The following FOXN3 variants were observed in gnomAD, a reference collection of about 807,000 sequenced individuals.
The protein encoded by FOXN3 is forkhead box protein N3.
In FOXN3, 7 loss-of-function variants were observed where a neutral mutation model predicts 38.4. That is an observed-to-expected ratio of 0.18 (90% confidence interval 0.10 to 0.34). The LOEUF is 0.34. Ranked by LOEUF, FOXN3 falls within the 10% of genes least tolerant of loss-of-function variation. The probability of loss-of-function intolerance (pLI) is 1.00; values close to 1 mark genes in which losing one functional copy is unlikely to be tolerated. For missense variants in FOXN3, 456 were observed against 613.4 expected (o/e 0.74, Z 2.71); for synonymous variants, 230 against 242.2 (o/e 0.95, Z 0.47).
Position 89,158,002 on chromosome 14 carries a change from A to G in FOXN3, c.*4412T>C, listed in dbSNP as rs1455610516. The stretch of plus-strand genomic sequence containing the variant: ...TGCAACATCTGGGCAGCTGTGATCC[A>G]CCAGAAAGAAACGAGTCCCAACCTG... On this transcript the variant is annotated 3_prime_UTR_variant, in exon 6 of 6. Transcript: ENST00000557258. The G allele has an allele frequency of 6.6e-6, 1 of 152,616 alleles. No individual in the cohort carries two copies. Among genetic ancestry groups the G allele is most frequent in the Non-Finnish European group, 1.5e-5 (1 of 68,034 alleles). The allele number at this position is 152,616 out of a possible 1,614,324, so 9.5% of individuals were successfully genotyped here.
intron 4 of FOXN3, among the ~76,000 whole-genome samples, chr14:89,198,865 T>A (rs975894391): frequency 6.6e-6 from 1 of 152,230 alleles, no homozygotes; most frequent in Non-Finnish European, 1.5e-5. Context: ...CTATCTCCAA[T>A]AGAACACATC....
chr14:89,527,426 A>G (rs984654468), intron 1 of FOXN3, among the ~76,000 whole-genome samples: 2 of 152,242 alleles, frequency 1.3e-5, no homozygotes, highest in African/African-American at 4.8e-5. Context: ...GACATTTAAG[A>G]GAATGAAAAG....
chr14:89,449,877 A>C (rs1047965523), intron 1 of FOXN3, among the ~76,000 whole-genome samples: 1 of 152,172 alleles, frequency 6.6e-6, no homozygotes, highest in African/African-American at 2.4e-5. Flanking sequence ...CTTTTAAAGA[A>C]ACCCAGTTGG....
chr14:89,306,558 G>A (rs922610326), intron 3 of FOXN3, among the ~76,000 whole-genome samples: 5 of 152,052 alleles, frequency 3.3e-5, no homozygotes, highest in South Asian at 2.1e-4. Context: ...TAGTAGAGAC[G>A]GGGTTTCACT....
chr14:89,214,373 G>A (rs994429526), intron 4 of FOXN3, among the ~76,000 whole-genome samples: 1 of 152,210 alleles, frequency 6.6e-6, no homozygotes, highest in Non-Finnish European at 1.5e-5. Context: ...CCCTTGGCTG[G>A]ACAGAAAGGG....
chr14:89,392,997 G>A (rs990233415), intron 2 of FOXN3, among the ~76,000 whole-genome samples: 2 of 152,080 alleles, frequency 1.3e-5, no homozygotes, highest in African/African-American at 2.4e-5. Context: ...AGTAGAAATG[G>A]GGTTTCACCA....
At chr14:89,243,018 CT>C (rs1885185876) in intron 4 of FOXN3, among the ~76,000 whole-genome samples, 1 of 152,158 alleles carries the variant, frequency 6.6e-6, no homozygotes, top group Non-Finnish European at 1.5e-5. Context: ...GTCCTGCCCC[CT>C]GATGGGAGAC....
At chr14:89,393,094 C>T (rs1036098752) in intron 2 of FOXN3, among the ~76,000 whole-genome samples, 6 of 152,012 alleles carry the variant, frequency 3.9e-5, no homozygotes, top group South Asian at 2.1e-4. Flanking sequence ...CATGAGCCAC[C>T]GTGCCCGGCT....
chr14:89,383,029 GTTTTTTTTT>G (rs57032907), intron 2 of FOXN3, among the ~76,000 whole-genome samples: 1 of 92,516 alleles, frequency 1.1e-5, no homozygotes, highest in Non-Finnish European at 2.0e-5. Context: ...TTTGGGTGGT[GTTTTTTTTT>G]TTTTTTTTTT....
intron 3 of FOXN3, among the ~76,000 whole-genome samples, chr14:89,306,042 A>G (rs1887360029): frequency 6.6e-6 from 1 of 152,230 alleles, no homozygotes; most frequent in South Asian, 2.1e-4. Context: ...CCATTTTCAC[A>G]ACCCTTACAG....
At chr14:89,346,041 G>C (rs1197211840) in intron 3 of FOXN3, among the ~76,000 whole-genome samples, 1 of 152,216 alleles carries the variant, frequency 6.6e-6, no homozygotes, top group East Asian at 1.9e-4. Context: ...GACAGAGTGA[G>C]ACCCTGTCTC....
intron 2 of FOXN3, among the ~76,000 whole-genome samples, chr14:89,401,361 G>C (rs894820263): frequency 1.3e-5 from 2 of 152,180 alleles, no homozygotes; most frequent in African/African-American, 4.8e-5. Flanking sequence ...AGAATCACTT[G>C]AAGCCAGGAG....
intron 2 of FOXN3, among the ~76,000 whole-genome samples, chr14:89,376,736 G>A (rs147429980): frequency 2.5e-4 from 38 of 151,998 alleles, no homozygotes; most frequent in South Asian, 2.1e-4. Flanking sequence ...TTGAGCTGCC[G>A]GGTGCAGTGG....
intron 3 of FOXN3, among the ~76,000 whole-genome samples, chr14:89,312,859 C>T (rs1404228886): frequency 6.6e-6 from 1 of 152,230 alleles, no homozygotes; most frequent in Non-Finnish European, 1.5e-5. Context: ...CCCATATCCT[C>T]TGTGTTAGAG....
intron 3 of FOXN3, among the ~76,000 whole-genome samples, chr14:89,292,450 T>C (rs192280782): frequency 2.0e-5 from 3 of 152,210 alleles, no homozygotes; most frequent in Admixed American, 6.5e-5. Flanking sequence ...ATGGTTTGCA[T>C]GTGTCCCTCC....
chr14:89,560,045 C>T (rs1895215095), intron 1 of FOXN3, among the ~76,000 whole-genome samples: 1 of 152,138 alleles, frequency 6.6e-6, no homozygotes, highest in Non-Finnish European at 1.5e-5. Flanking sequence ...ACAGGCTGAA[C>T]AGGAAGCATG....
intron 1 of FOXN3, among the ~76,000 whole-genome samples, chr14:89,578,001 T>C (rs1028222477): frequency 2.0e-5 from 3 of 152,176 alleles, no homozygotes; most frequent in Non-Finnish European, 4.4e-5. Context: ...CTTGGTGGAT[T>C]TGCAACCTAG....
chr14:89,247,976 C>G (rs984856158), intron 4 of FOXN3, among the ~76,000 whole-genome samples: 3 of 152,224 alleles, frequency 2.0e-5, no homozygotes, highest in Non-Finnish European at 4.4e-5. Context: ...GAAAGCTCTT[C>G]TCCTCCATGG....
chr14:89,513,348 C>CTA, intron 1 of FOXN3, among the ~76,000 whole-genome samples: 1 of 151,804 alleles, frequency 6.6e-6, no homozygotes, highest in South Asian at 2.1e-4. Flanking sequence ...TCTCAGCCTC[C>CTA]TGAGCAGCTG....
Sources: gnomAD v4.1 joint callset for allele counts (sites outside exome capture counted in the v4.1 genomes callset) on GRCh38, gnomAD v4.1.1 for gene constraint, MANE v1.5 for transcripts, NCBI Gene and HGNC (gene_info 2026-07-23, HGNC 2026-07-21) for gene names.